The following ITGB3 variants were observed in gnomAD, a reference collection of about 807,000 sequenced individuals.
ITGB3 encodes the protein integrin subunit beta 3.
Under a neutral mutation model 85.8 loss-of-function variants are expected in ITGB3, and 48 were observed. That is an observed-to-expected ratio of 0.56 (90% confidence interval 0.44 to 0.71). The LOEUF (loss-of-function observed/expected upper bound fraction) is 0.71. Ranked by LOEUF, ITGB3 falls within the 30% of genes least tolerant of loss-of-function variation. The pLI, the probability that ITGB3 is intolerant of heterozygous loss-of-function variation, is 0.00. For missense variants in ITGB3, 861 were observed against 1,019.1 expected (o/e 0.84, Z 2.11); for synonymous variants, 363 against 395.6 (o/e 0.92, Z 0.98).
chr17:47,304,510 C>T (rs1269623573), intron 13 of ITGB3, among the ~76,000 whole-genome samples: 4 of 152,230 alleles, frequency 2.6e-5, no homozygotes, highest in Non-Finnish European at 5.9e-5. Flanking sequence ...CACTAGGTCC[C>T]ATGCAGTATT....
intron 9 of ITGB3, 84 bp downstream of exon 9, chr17:47,291,172 G>A (rs774953088): frequency 4.5e-6 from 7 of 1,544,198 alleles, no homozygotes; most frequent in African/African-American, 2.7e-5. Flanking sequence ...GACTAAAAAT[G>A]GCCCCCTTCC....
At chr17:47,292,032 A>G (rs2065128246) in intron 9 of ITGB3, 107 bp from the exon 10 acceptor site, 2 of 1,147,464 alleles carry the variant, frequency 1.7e-6, no homozygotes, top group Non-Finnish European at 2.6e-6. Context: ...TAAGACACCC[A>G]ATTTGGGTAT....
At chr17:47,291,245 A>G (rs2065124505) in intron 9 of ITGB3, 157 bp downstream of exon 9, 1 of 790,542 alleles carries the variant, frequency 1.3e-6, no homozygotes, top group Admixed American at 2.2e-5. Context: ...GTTAGATGTA[A>G]TGGATCCACC....
chr17:47,285,732 G>A (rs756608694), intron 4 of ITGB3, among the ~76,000 whole-genome samples: 1 of 152,198 alleles, frequency 6.6e-6, no homozygotes, highest in Non-Finnish European at 1.5e-5. Flanking sequence ...TTGACTGGGG[G>A]CAGAAATGCT....
In ITGB3 at chr17:47,307,458, T is replaced by G; in HGVS notation, c.2135-13T>G. On this transcript the variant is annotated splice_polypyrimidine_tract_variant and intron_variant, in intron 13 of 14. Coordinates refer to ENST00000559488, the MANE Select transcript of ITGB3 (RefSeq NM_000212.3). ...CATTCACAACCGCCCTGCTCTGTGC[T>G]TCTTCCTCACAGAGTGTCCCAAGGG... 6.2e-7 allele frequency: 1 copy of G among 1,613,652 alleles called. No homozygotes were observed. The highest frequency in any genetic ancestry group is 2.2e-5 in the East Asian group (1 of 44,878).
At chr17:47,269,157 C>A (rs193071264) in intron 1 of ITGB3, among the ~76,000 whole-genome samples, 46 of 152,294 alleles carry the variant, frequency 3.0e-4, no homozygotes, top group African/African-American at 1.0e-3. Context: ...TGGGCCCAGC[C>A]CAGGAAACCA....
Position 47,310,193 on chromosome 17 carries a change from C to T in ITGB3, c.2356C>T (p.Arg786Trp), listed in dbSNP as rs1377491769. Reference sequence around the variant, plus strand: ...GTCTACCTTCACCAATATCACGTACCGGGGCACTTAATGATAAGCAGTCAT... The same window carrying T: ...GTCTACCTTCACCAATATCACGTACTGGGGCACTTAATGATAAGCAGTCAT... ...ATSTFTNITY[R>W]GT Residue 786 changes from arginine to tryptophan, a missense_variant, in exon 15 of 15, where the codon CGG (arginine) becomes TGG (tryptophan). Arg to Trp is a moderately radical substitution (Grantham distance 101). Transcript: ENST00000559488. 1.2e-5 allele frequency: 20 copies of T among 1,613,684 alleles called. No individual in the cohort carries two copies. The East Asian group carries it at 2.0e-4, about 16-fold the overall frequency.
chr17:47,266,423 C>T (rs1292724406), intron 1 of ITGB3, among the ~76,000 whole-genome samples: 2 of 152,164 alleles, frequency 1.3e-5, no homozygotes, highest in African/African-American at 2.4e-5. Flanking sequence ...TCCACTGGAT[C>T]CAATTCCCTC....
At chr17:47,266,273 C>G (rs968549357) in intron 1 of ITGB3, among the ~76,000 whole-genome samples, 1 of 152,202 alleles carries the variant, frequency 6.6e-6, no homozygotes, top group African/African-American at 2.4e-5. Flanking sequence ...ATCCTCCCTT[C>G]TCGATAAACA....
chr17:47,282,900 A>G (rs985474195), intron 2 of ITGB3, among the ~76,000 whole-genome samples: 1 of 152,176 alleles, frequency 6.6e-6, no homozygotes, highest in Non-Finnish European at 1.5e-5. Flanking sequence ...ATTGTATTTT[A>G]TTTAACAAAA....
chr17:47,270,744 G>A (rs191341064), intron 1 of ITGB3, among the ~76,000 whole-genome samples: 47 of 152,318 alleles, frequency 3.1e-4, no homozygotes, highest in African/African-American at 1.0e-3. Flanking sequence ...CATCCCACTT[G>A]TAGAATTTTA....
Position 47,310,252 on chromosome 17 carries a change from A to G in ITGB3, c.*48A>G. 1 of 1,541,496 alleles carries G rather than the reference A, an allele frequency of 6.5e-7. No individual in the cohort carries two copies. The highest frequency in any genetic ancestry group is 9.0e-7 in the Non-Finnish European group (1 of 1,114,318). ...CATTATCAGCCTGTGCCACGATTGC[A>G]GGAGTCCCTGCCATCATGTTTACAG... is the stretch of plus-strand genomic sequence containing the variant. On this transcript the variant is annotated 3_prime_UTR_variant, in exon 15 of 15. Transcript: ENST00000559488.
chr17:47,290,348 G>A, intron 8 of ITGB3, 74 bp downstream of exon 8: 1 of 1,248,398 alleles, frequency 8.0e-7, no homozygotes, highest in Non-Finnish European at 1.2e-6. Flanking sequence ...GCTCAGATTT[G>A]TGAGTCCCAG....
Position 47,302,792 on chromosome 17 carries a change from T to C in ITGB3, c.2086T>C (p.Tyr696His). The change falls in exon 13 of 15, where the codon TAT becomes CAT. Residue 696 changes from tyrosine (Y) to histidine (H), a missense_variant. Transcript: ENST00000559488. ...EDDCVVRFQYYEDSSGKSILY... is the reference protein window; with the variant it reads ...EDDCVVRFQYHEDSSGKSILY... ...TGACTGTGTCGTCAGATTCCAGTAC[T>C]ATGAAGATTCTAGTGGAAAGTCCAT... is the stretch of plus-strand genomic sequence containing the variant. 6.2e-7 allele frequency: 1 copy of C among 1,614,096 alleles called. No homozygotes were observed. The highest frequency in any genetic ancestry group is 8.5e-7 in the Non-Finnish European group (1 of 1,179,928).
chr17:47,268,126 A>C (rs1022244902), intron 1 of ITGB3, among the ~76,000 whole-genome samples: 12 of 152,174 alleles, frequency 7.9e-5, no homozygotes, highest in African/African-American at 2.7e-4. Flanking sequence ...AGCAGCATGG[A>C]GGTAACTGCC....
intron 1 of ITGB3, among the ~76,000 whole-genome samples, chr17:47,259,990 C>T (rs1049000837): frequency 3.3e-5 from 5 of 152,300 alleles, no homozygotes; most frequent in Non-Finnish European, 4.4e-5. Context: ...TTGCTGGTTC[C>T]CTTCTAATTC....
Position 47,284,459 on chromosome 17 carries a change from C to A in ITGB3, c.378C>A (p.Phe126Leu). 1.2e-6 allele frequency: 2 copies of A among 1,614,116 alleles called. No homozygotes were observed. Among genetic ancestry groups the A allele is most frequent in the Non-Finnish European group, 1.7e-6 (2 of 1,180,020 alleles). The change falls in exon 4 of 15, where the codon TTC (phenylalanine) becomes TTA (leucine). Residue 126 changes from phenylalanine to leucine, a missense_variant. Physicochemically the swap from Phe to Leu is conservative, Grantham distance 22. Transcript: ENST00000559488. ...LRLRPDDSKN[F>L]SIQVRQVEDY... ...GCCTTCCAGATGATTCGAAGAATTT[C>A]TCCATCCAAGTGCGGCAGGTGGAGG...
chr17:47,281,409 A>G (rs908162726), intron 2 of ITGB3, among the ~76,000 whole-genome samples: 10 of 152,232 alleles, frequency 6.6e-5, no homozygotes, highest in African/African-American at 2.2e-4. Flanking sequence ...GCTGAATGTC[A>G]GAGCCGGAAG....
At chr17:47,293,444 A>C (rs1729097593) in intron 10 of ITGB3, among the ~76,000 whole-genome samples, 1 of 152,170 alleles carries the variant, frequency 6.6e-6, no homozygotes, top group Non-Finnish European at 1.5e-5. Flanking sequence ...TTCCTGGGGC[A>C]CTGAGGATGG....
Sources: allele counts gnomAD v4.1 joint callset (sites outside exome capture counted in the v4.1 genomes callset), GRCh38; gene constraint gnomAD v4.1.1; transcripts MANE v1.5; gene names NCBI Gene and HGNC (gene_info 2026-07-23, HGNC 2026-07-21).